Variants in CORO1C observed in about 807,000 individuals in gnomAD.
The protein encoded by CORO1C is coronin-1C.
CORO1C carries 14 observed loss-of-function variants against 51.2 expected under a neutral mutation model. The ratio of observed to expected loss-of-function variants is 0.27; its 90% CI spans 0.18 to 0.43. CORO1C has a LOEUF of 0.43. CORO1C is among the 20% of genes least tolerant of loss of function. CORO1C has a pLI of 1.00. For synonymous variants in CORO1C, 181 were observed against 210.5 expected (o/e 0.86, Z 1.21); for missense variants, 417 against 607.8 (o/e 0.69, Z 3.30).
chr12:108,654,518 T>C (rs2032842730), intron 6 of CORO1C, 108 bp from the exon 7 acceptor site: 1 of 586,342 alleles, frequency 1.7e-6, no homozygotes, highest in African/African-American at 1.9e-5. Flanking sequence ...AGCGAGCCAT[T>C]TTCCTAGAAT....
At chr12:108,660,470 AAAAG>A (rs2033213242) in intron 4 of CORO1C, among the ~76,000 whole-genome samples, 4 of 151,258 alleles carry the variant, frequency 2.6e-5, no homozygotes, top group Admixed American at 2.6e-4. Context: ...AAAAAAAAAA[AAAAG>A]AAGTAGGAAA....
rs1036922357 is a variant in CORO1C, at chr12:108,724,770, T to C, written c.-6+6659A>G. On this transcript the variant is annotated intron_variant, in intron 1 of 10. Transcript: ENST00000261401. ...AAATATAACTGCCTTCCACATACAA[T>C]GTATAGGCCTTCCTACTCCCATTTA... Among the ~76,000 whole-genome samples, 110 of 152,348 alleles carry C rather than the reference T, an allele frequency of 7.2e-4. 1 individual carries two copies. Among genetic ancestry groups the C allele is most frequent in the African/African-American group, 2.5e-3 (102 of 41,590 alleles).
At chr12:108,676,100 A>G (rs1395003605) in intron 3 of CORO1C, among the ~76,000 whole-genome samples, 2 of 152,256 alleles carry the variant, frequency 1.3e-5, no homozygotes, top group African/African-American at 4.8e-5. Flanking sequence ...AGACCAATCT[A>G]GAGTCTAGAG....
At chr12:108,730,118 T>A (rs1391889764) in intron 1 of CORO1C, 1 of 152,268 alleles carries the variant, frequency 6.6e-6, no homozygotes, top group East Asian at 1.9e-4. Flanking sequence ...AAATGTCTTA[T>A]AGGAGGGAAA....
chr12:108,683,997 A>T (rs1370862132), intron 2 of CORO1C, among the ~76,000 whole-genome samples: 1 of 152,214 alleles, frequency 6.6e-6, no homozygotes, highest in Non-Finnish European at 1.5e-5. Context: ...CACAAACAGC[A>T]ACAAAAGCAA....
intron 3 of CORO1C, among the ~76,000 whole-genome samples, chr12:108,671,468 A>G (rs1269845592): frequency 6.6e-6 from 1 of 151,952 alleles, no homozygotes; most frequent in Non-Finnish European, 1.5e-5. Flanking sequence ...GGAACAGGAA[A>G]AAAAAAATTA....
chr12:108,696,359 CTTGT>C (rs1418809879), intron 2 of CORO1C: 1 of 150,158 alleles, frequency 6.7e-6, no homozygotes, highest in Admixed American at 6.7e-5. Context: ...CCCCCTCTTA[CTTGT>C]TTAAGGCAGG....
At chr12:108,678,713 T>C (rs115855436) in intron 2 of CORO1C, among the ~76,000 whole-genome samples, 1,491 of 134,818 alleles carry the variant, frequency 0.011, 19 homozygotes, top group African/African-American at 0.04. Flanking sequence ...GGATGTTCCA[T>C]GGCTTAAAAA....
At chr12:108,717,937 G>C (rs2035379195) in intron 1 of CORO1C, among the ~76,000 whole-genome samples, 1 of 152,112 alleles carries the variant, frequency 6.6e-6, no homozygotes, top group South Asian at 2.1e-4. Context: ...TGAAAACTAG[G>C]CCGGGCACAA....
intron 2 of CORO1C, among the ~76,000 whole-genome samples, chr12:108,689,191 C>G (rs2034411960): frequency 6.6e-6 from 1 of 152,156 alleles, no homozygotes; most frequent in Non-Finnish European, 1.5e-5. Context: ...CAGAGCGAGA[C>G]TCCATCTCTG....
At chr12:108,673,767 T>C (rs907483351) in intron 3 of CORO1C, among the ~76,000 whole-genome samples, 2 of 152,114 alleles carry the variant, frequency 1.3e-5, no homozygotes, top group Admixed American at 6.5e-5. Context: ...TTAGGAGATA[T>C]ACCTAATGCT....
At chr12:108,686,352 A>G (rs1435505775) in intron 2 of CORO1C, among the ~76,000 whole-genome samples, 1 of 152,262 alleles carries the variant, frequency 6.6e-6, no homozygotes, top group Non-Finnish European at 1.5e-5. Context: ...AGGAAGATGT[A>G]CAAGAATTAA....
intron 1 of CORO1C, among the ~76,000 whole-genome samples, chr12:108,707,203 G>A (rs2035053130): frequency 6.6e-6 from 1 of 151,988 alleles, no homozygotes; most frequent in Non-Finnish European, 1.5e-5. Flanking sequence ...GAACTGCAAG[G>A]GATCCAAAAA....
At chr12:108,655,615 C>T (rs1679967249) in intron 6 of CORO1C, among the ~76,000 whole-genome samples, 1 of 152,264 alleles carries the variant, frequency 6.6e-6, no homozygotes, top group South Asian at 2.1e-4. Flanking sequence ...CTCCTGACCA[C>T]GAGTAATCCG....
At chr12:108,679,897 G>A (rs889949949) in intron 2 of CORO1C, among the ~76,000 whole-genome samples, 6 of 152,102 alleles carry the variant, frequency 3.9e-5, no homozygotes, top group Non-Finnish European at 7.4e-5. Flanking sequence ...TTACCGTAAG[G>A]ATTAAATGAG....
intron 1 of CORO1C, among the ~76,000 whole-genome samples, chr12:108,707,544 A>G (rs1312781425): frequency 6.6e-6 from 1 of 152,232 alleles, no homozygotes. Flanking sequence ...AGAAGAAAAC[A>G]TAGGAGTAAA....
chr12:108,709,360 G>C (rs1372734783), intron 1 of CORO1C, among the ~76,000 whole-genome samples: 2 of 152,100 alleles, frequency 1.3e-5, no homozygotes, highest in Admixed American at 6.6e-5. Context: ...GCTAAAAGTA[G>C]AATTTTCATA....
At chr12:108,659,502 G>A (rs1046751019) in intron 4 of CORO1C, among the ~76,000 whole-genome samples, 1 of 152,098 alleles carries the variant, frequency 6.6e-6, no homozygotes, top group Non-Finnish European at 1.5e-5. Context: ...TTACTTTTTT[G>A]ATGTTTCTTT....
chr12:108,682,241 T>C (rs1565918340), intron 2 of CORO1C, among the ~76,000 whole-genome samples: 1 of 151,972 alleles, frequency 6.6e-6, no homozygotes, highest in African/African-American at 2.4e-5. Flanking sequence ...TAAAACCAAC[T>C]ATAAATCATG....
Sources: gnomAD v4.1 joint callset for allele counts (sites outside exome capture counted in the v4.1 genomes callset) on GRCh38, gnomAD v4.1.1 for gene constraint, MANE v1.5 for transcripts, NCBI Gene and HGNC (gene_info 2026-07-23, HGNC 2026-07-21) for gene names.